DLG2: variants seen among roughly 807,000 people sequenced by gnomAD.
DLG2 encodes discs large MAGUK scaffold protein 2, also known as disks large homolog 2.
A neutral mutation model predicts 132.5 loss-of-function variants in DLG2; 45 were observed. That is an observed-to-expected ratio of 0.34 (90% CI 0.27 to 0.44). DLG2 has a LOEUF of 0.44. Among genes scored for constraint, DLG2 ranks in the 20% least tolerant of loss-of-function variants. The pLI is 1.00. For missense variants in DLG2, 1,045 were observed against 1,196.9 expected, an observed-to-expected ratio of 0.87 and a Z score of 1.87; for synonymous variants, 424 against 419.6, an observed-to-expected ratio of 1.01 and a Z score of -0.13.
chr11:85,023,001 A>G (rs891770693), intron 6 of DLG2, among the ~76,000 whole-genome samples: 3 of 152,226 alleles, frequency 2.0e-5, no homozygotes, highest in African/African-American at 4.8e-5. Flanking sequence ...TTAGAGTTAT[A>G]TAACTGTCAT....
chr11:84,670,543 C>T (rs542029670), intron 6 of DLG2, among the ~76,000 whole-genome samples: 1 of 152,190 alleles, frequency 6.6e-6, no homozygotes, highest in South Asian at 2.1e-4. Context: ...AACAGGCTCA[C>T]CACAATGTTC....
chr11:84,287,444 CTTCTT>C (rs1215632257), intron 7 of DLG2, among the ~76,000 whole-genome samples: 5 of 152,090 alleles, frequency 3.3e-5, no homozygotes, highest in Admixed American at 6.6e-5. Context: ...TAGGAATACT[CTTCTT>C]TTCTTTTCAA....
rs2061011501 is a variant in DLG2 at position 84,714,750 on chromosome 11, C to T, written c.358-180019G>A. ...ATTCTGTTCTATTTTCTTTCCTTCC[C>T]TGCTCCTTCTTCTGTTTGCCTGGTA... On this transcript the variant is annotated intron_variant, in intron 6 of 27. Coordinates refer to ENST00000376104, the MANE Select transcript of DLG2 (RefSeq NM_001142699.3). Among the ~76,000 whole-genome samples, 3 of 150,996 alleles carry T rather than the reference C, an allele frequency of 2.0e-5. No individual in the cohort carries two copies. The Admixed American group carries it at 2.0e-4, about 10-fold the overall frequency.
intron 6 of DLG2, among the ~76,000 whole-genome samples, chr11:85,100,281 T>C (rs2070665780): frequency 6.6e-6 from 1 of 152,072 alleles, no homozygotes; most frequent in South Asian, 2.1e-4. Flanking sequence ...AATAATAATA[T>C]AATAATAACA....
chr11:84,536,985 A>C (rs1417385683), intron 6 of DLG2, among the ~76,000 whole-genome samples: 2 of 152,292 alleles, frequency 1.3e-5, no homozygotes, highest in Middle Eastern at 3.4e-3. Context: ...TGTGAATCAC[A>C]TGCTGATAAA....
At chr11:84,407,737 A>G (rs1399135848) in intron 7 of DLG2, among the ~76,000 whole-genome samples, 1 of 152,200 alleles carries the variant, frequency 6.6e-6, no homozygotes, top group Admixed American at 6.5e-5. Context: ...TTTCACAGAT[A>G]AGGCACTGAA....
chr11:84,394,960 C>T lies in DLG2; in HGVS notation c.519+139610G>A, dbSNP rs115141043. Among the ~76,000 whole-genome samples the T allele has an allele frequency of 3.1e-3, 469 of 152,176 alleles. 3 individuals are homozygous for T. The highest frequency in any genetic ancestry group is 0.011 in the African/African-American group (462 of 41,508). ...GTTGCCTCTGCCACATGCTGTTTAT[C>T]CCCTCCTTCTGTAATGCCTGTTGGA... On this transcript the variant is annotated intron_variant, in intron 7 of 27. Coordinates refer to ENST00000376104, the MANE Select transcript of DLG2 (RefSeq NM_001142699.3).
intron 16 of DLG2, among the ~76,000 whole-genome samples, chr11:83,863,253 C>T (rs1029764914): frequency 7.8e-4 from 119 of 152,114 alleles, no homozygotes; most frequent in African/African-American, 2.8e-3. Flanking sequence ...CATTCTACCC[C>T]TAAATATTCT....
chr11:83,893,771 T>C (rs1398835075), intron 15 of DLG2, among the ~76,000 whole-genome samples: 1 of 152,234 alleles, frequency 6.6e-6, no homozygotes, highest in Non-Finnish European at 1.5e-5. Context: ...AATCATTGTT[T>C]TCATATTACT....
At chr11:85,518,574 A>C (rs1598199340) in intron 3 of DLG2, among the ~76,000 whole-genome samples, 1 of 152,322 alleles carries the variant, frequency 6.6e-6, no homozygotes, top group South Asian at 2.1e-4. Flanking sequence ...AGAGCACAAA[A>C]GTTTGGAAAA....
chr11:84,259,617 C>T (rs1417022188), intron 7 of DLG2, among the ~76,000 whole-genome samples: 1 of 152,114 alleles, frequency 6.6e-6, no homozygotes, highest in Non-Finnish European at 1.5e-5. Flanking sequence ...GATTGTGGTC[C>T]CTTTCCCTAG....
intron 3 of DLG2, among the ~76,000 whole-genome samples, chr11:85,399,601 G>A (rs967468358): frequency 3.3e-5 from 5 of 152,090 alleles, no homozygotes; most frequent in African/African-American, 1.2e-4. Flanking sequence ...CAATGGAATA[G>A]AACAGAGCCC....
intron 6 of DLG2, among the ~76,000 whole-genome samples, chr11:84,953,559 C>G (rs531458489): frequency 6.6e-6 from 1 of 152,086 alleles, no homozygotes; most frequent in Non-Finnish European, 1.5e-5. Context: ...TTTACTTAAT[C>G]TATCAAAATC....
At chr11:85,092,642 A>AC (rs1451711866) in intron 6 of DLG2, among the ~76,000 whole-genome samples, 4 of 144,030 alleles carry the variant, frequency 2.8e-5, no homozygotes, top group Non-Finnish European at 6.1e-5. Context: ...AGTACACGTG[A>AC]CTTTTTTTTT....
At chr11:83,567,312 AG>A (rs1187147985) in intron 19 of DLG2, among the ~76,000 whole-genome samples, 1 of 152,194 alleles carries the variant, frequency 6.6e-6, no homozygotes, top group African/African-American at 2.4e-5. Context: ...TGTTTATAAA[AG>A]CCCCTTTTTA....
chr11:83,897,289 T>C (rs2072035471), intron 15 of DLG2, among the ~76,000 whole-genome samples: 1 of 152,176 alleles, frequency 6.6e-6, no homozygotes, highest in Non-Finnish European at 1.5e-5. Context: ...TGGATTTGAA[T>C]CTTTGTGGCA....
intron 4 of DLG2, among the ~76,000 whole-genome samples, chr11:85,283,796 G>A (rs1371327249): frequency 6.6e-6 from 1 of 151,296 alleles, no homozygotes; most frequent in East Asian, 1.9e-4. Flanking sequence ...CTCCAAAACA[G>A]CTTGACAATT....
chr11:85,229,091 G>A (rs2075142412), intron 4 of DLG2, among the ~76,000 whole-genome samples: 1 of 151,386 alleles, frequency 6.6e-6, no homozygotes. Context: ...TCACATATAA[G>A]AACCTTACAA....
intron 3 of DLG2, among the ~76,000 whole-genome samples, chr11:85,393,632 T>TGC (rs1280998930): frequency 1.4e-5 from 2 of 141,266 alleles, no homozygotes; most frequent in Non-Finnish European, 3.1e-5. Flanking sequence ...TATGCATATG[T>TGC]GTGTGTGTGT....
Sources: gnomAD v4.1 joint callset for allele counts (sites outside exome capture counted in the v4.1 genomes callset) on GRCh38, gnomAD v4.1.1 for gene constraint, MANE v1.5 for transcripts, NCBI Gene and HGNC (gene_info 2026-07-23, HGNC 2026-07-21) for gene names.